Variants in ZNF69 observed in about 807,000 individuals in gnomAD.
ZNF69 encodes zinc finger protein 69, also known as ZNF3.
A neutral mutation model predicts 50.9 loss-of-function variants in ZNF69; 47 were observed. That is an observed-to-expected ratio of 0.92 (90% CI 0.73 to 1.18). ZNF69 has a LOEUF of 1.18. ZNF69 is among the 50% of genes most tolerant of loss of function. The pLI is 0.00. For missense variants in ZNF69, 717 were observed against 675.1 expected, an observed-to-expected ratio of 1.06 and a Z score of -0.69; for synonymous variants, 216 against 223.1, an observed-to-expected ratio of 0.97 and a Z score of 0.29.
chr19:11,951,883 C>T, the ZNF69 span, among the ~76,000 whole-genome samples: 3 of 152,256 alleles, frequency 2.0e-5, no homozygotes, highest in East Asian at 3.9e-4. Flanking sequence ...ATGGTAAAAG[C>T]CTTGGCCTTG....
At chr19:11,932,389 CTGT>C in the ZNF69 span, among the ~76,000 whole-genome samples, 4 of 147,554 alleles carry the variant, frequency 2.7e-5, 1 homozygote, top group African/African-American at 1.1e-4. Flanking sequence ...ATATGCTATG[CTGT>C]TGTTGCTGAT....
rs1473983167 is a variant in ZNF69, at chr19:11,889,630, G to A, written c.63+1644G>A. On this transcript the variant is annotated intron_variant, in intron 1 of 3. Coordinates refer to ENST00000429654, the MANE Select transcript of ZNF69 (RefSeq NM_001364730.1). ...ACAGGCACGCACCTGAAGGGGGCCT[G>A]CCCCTCCACCCCTGTGGGTGTTTCT... is the stretch of plus-strand genomic sequence containing the variant. Among the ~76,000 whole-genome samples the A allele has an allele frequency of 2.6e-5, 4 of 152,318 alleles. No homozygotes were observed. In the East Asian group the frequency reaches 7.7e-4, roughly 29 times the overall value.
chr19:11,898,856 C>G (rs1222542442), intron 1 of ZNF69, among the ~76,000 whole-genome samples: 1 of 151,890 alleles, frequency 6.6e-6, no homozygotes, highest in Non-Finnish European at 1.5e-5. Flanking sequence ...TGTTTTAAAC[C>G]AAAAAAACCA....
the ZNF69 span, among the ~76,000 whole-genome samples, chr19:11,941,663 C>T: frequency 2.6e-5 from 4 of 152,318 alleles, no homozygotes; most frequent in Middle Eastern, 3.4e-3. Flanking sequence ...CCCCAGTTCC[C>T]GCTCGCGCCT....
chr19:11,933,041 C>T, the ZNF69 span, among the ~76,000 whole-genome samples: 1 of 148,244 alleles, frequency 6.7e-6, no homozygotes, highest in Admixed American at 6.6e-5. Flanking sequence ...TTATTTAGAA[C>T]AGTGGTTGTT....
the ZNF69 span, among the ~76,000 whole-genome samples, chr19:11,942,949 C>G: frequency 3.3e-5 from 5 of 152,176 alleles, no homozygotes; most frequent in Non-Finnish European, 7.3e-5. Context: ...GGAGTTCTCA[C>G]TTTCATCCTT....
At chr19:11,937,089 C>T in the ZNF69 span, among the ~76,000 whole-genome samples, 1 of 152,118 alleles carries the variant, frequency 6.6e-6, no homozygotes, top group Non-Finnish European at 1.5e-5. Flanking sequence ...ACTTTGAAGT[C>T]CAATTTATCG....
At chr19:11,902,670 A>G (rs895031471) in intron 1 of ZNF69, among the ~76,000 whole-genome samples, 1 of 149,864 alleles carries the variant, frequency 6.7e-6, no homozygotes, top group African/African-American at 2.5e-5. Context: ...TCCCTGGGGG[A>G]GTGTGATTTC....
the ZNF69 span, among the ~76,000 whole-genome samples, chr19:11,930,360 G>A: frequency 3.4e-5 from 5 of 148,622 alleles, no homozygotes; most frequent in South Asian, 2.1e-4. Context: ...CTACAGGGAG[G>A]TGGTCACCAG....
chr19:11,938,548 T>C, the ZNF69 span, among the ~76,000 whole-genome samples: 2 of 152,212 alleles, frequency 1.3e-5, no homozygotes, highest in Admixed American at 1.3e-4. Context: ...TCCATGTCCC[T>C]ACAAAGGACA....
the ZNF69 span, among the ~76,000 whole-genome samples, chr19:11,953,716 T>C: frequency 2.0e-5 from 3 of 152,212 alleles, no homozygotes; most frequent in Middle Eastern, 3.4e-3. Flanking sequence ...TGGGGAAACA[T>C]TGAGTGGAAA....
chr19:11,947,094 C>T, the ZNF69 span: 2 of 1,534,878 alleles, frequency 1.3e-6, no homozygotes, highest in Non-Finnish European at 1.7e-6. Flanking sequence ...GAGTCCACAG[C>T]ATCCTGAGAA....
the ZNF69 span, chr19:11,950,353 T>A: frequency 8.3e-7 from 1 of 1,203,378 alleles, no homozygotes; most frequent in Non-Finnish European, 1.2e-6. Flanking sequence ...TTCTTTTCGA[T>A]ATCATGAAAG....
chr19:11,898,490 T>C (rs1329080563), intron 1 of ZNF69, among the ~76,000 whole-genome samples: 2 of 150,594 alleles, frequency 1.3e-5, no homozygotes, highest in African/African-American at 2.4e-5. Flanking sequence ...TCCCGGGTTC[T>C]AGCAATTCTT....
At chr19:11,917,004 A>C (rs1005171445), downstream of ZNF69, among the ~76,000 whole-genome samples, 1 of 152,184 alleles carries the variant, frequency 6.6e-6, no homozygotes, top group Non-Finnish European at 1.5e-5. Context: ...ATGTAAGTGA[A>C]CTGTGGGTAG....
At chr19:11,950,242 G>A in the ZNF69 span, 31 of 1,609,808 alleles carry the variant, frequency 1.9e-5, no homozygotes, top group Non-Finnish European at 2.4e-5. Context: ...TTGTGGGAAA[G>A]CATTCAGCTA....
At chr19:11,960,832 T>C in the ZNF69 span, among the ~76,000 whole-genome samples, 1 of 152,214 alleles carries the variant, frequency 6.6e-6, no homozygotes, top group Non-Finnish European at 1.5e-5. Context: ...TCGATGTCCC[T>C]TCTTTCTGCC....
chr19:11,949,983 C>T, the ZNF69 span: 31 of 1,613,130 alleles, frequency 1.9e-5, no homozygotes, highest in Admixed American at 8.4e-5. Flanking sequence ...GTAAGGAATG[C>T]GAAAAAGCAT....
the ZNF69 span, among the ~76,000 whole-genome samples, chr19:11,943,299 A>AACC: frequency 2.0e-4 from 31 of 152,290 alleles, no homozygotes; most frequent in African/African-American, 7.2e-4. Flanking sequence ...TGGTTAGGTT[A>AACC]AATTTTCCAT....
Sources: allele counts gnomAD v4.1 joint callset (sites outside exome capture counted in the v4.1 genomes callset), GRCh38; gene constraint gnomAD v4.1.1; transcripts MANE v1.5; gene names NCBI Gene and HGNC (gene_info 2026-07-23, HGNC 2026-07-21).